PDE11A: variants seen among roughly 807,000 people sequenced by gnomAD.
The protein encoded by PDE11A is dual 3',5'-cyclic-AMP and -GMP phosphodiesterase 11A.
PDE11A carries 100 observed loss-of-function variants against 100.5 expected under a neutral mutation model. The ratio of observed to expected loss-of-function variants is 1.00; its 90% CI spans 0.85 to 1.18. The LOEUF is 1.18. Ranked by LOEUF, PDE11A falls within the 50% of genes most tolerant of loss-of-function variation. PDE11A has a pLI of 0.00. For missense variants in PDE11A, 1,141 were observed against 1,152.6 expected (o/e 0.99, Z 0.15); for synonymous variants, 381 against 420.8 (o/e 0.91, Z 1.16).
At chr2:177,971,372 T>C (rs1038761031) in intron 2 of PDE11A, among the ~76,000 whole-genome samples, 1 of 152,180 alleles carries the variant, frequency 6.6e-6, no homozygotes, top group African/African-American at 2.4e-5. Context: ...TTAGAACTCA[T>C]GAGGGCTAAG....
intron 6 of PDE11A, among the ~76,000 whole-genome samples, chr2:177,835,496 A>G (rs1228893017): frequency 6.6e-6 from 1 of 152,180 alleles, no homozygotes; most frequent in African/African-American, 2.4e-5. Flanking sequence ...AACTGAGCTG[A>G]GGGTGAGAGG....
intron 17 of PDE11A, 47 bp downstream of exon 17, chr2:177,675,408 C>T (rs756136967): frequency 1.5e-6 from 2 of 1,357,796 alleles, no homozygotes; most frequent in African/African-American, 1.4e-5. Context: ...CCCCCTTACG[C>T]CCCCCAGTCC....
intron 5 of PDE11A, among the ~76,000 whole-genome samples, chr2:177,851,951 C>T (rs539656589): frequency 1.9e-4 from 29 of 152,226 alleles, no homozygotes; most frequent in African/African-American, 2.4e-5. Flanking sequence ...CTCTAGGTGT[C>T]CATGTGTTCT....
intron 2 of PDE11A, among the ~76,000 whole-genome samples, chr2:177,930,911 G>A (rs2085196652): frequency 6.6e-6 from 1 of 152,166 alleles, no homozygotes; most frequent in Non-Finnish European, 1.5e-5. Flanking sequence ...ACCTTAATTA[G>A]AAAAGCCCCA....
rs577207358 is a variant in PDE11A at position 177,823,255 on chromosome 2, T to C, written c.1501-2960A>G. Among the ~76,000 whole-genome samples the C allele has an allele frequency of 4.5e-4, 69 of 152,246 alleles. No individual in the cohort carries two copies. The South Asian group carries it at 0.013, about 30-fold the overall frequency. ...ATAGAAAAATGGATTCAAATAGTCATTACCCTTGAGCTACTCACAGTCTAG... is the reference window on the plus strand; with the variant it reads ...ATAGAAAAATGGATTCAAATAGTCACTACCCTTGAGCTACTCACAGTCTAG... On this transcript the variant is annotated intron_variant, in intron 6 of 19. Coordinates refer to ENST00000286063, the MANE Select transcript of PDE11A (RefSeq NM_016953.4).
intron 1 of PDE11A, among the ~76,000 whole-genome samples, chr2:178,065,205 T>A (rs559818390): frequency 6.6e-6 from 1 of 152,304 alleles, no homozygotes; most frequent in Admixed American, 6.5e-5. Flanking sequence ...AATACTACCC[T>A]TAAAATAAGC....
At chr2:178,035,814 A>G (rs2086606535) in intron 1 of PDE11A, among the ~76,000 whole-genome samples, 1 of 152,234 alleles carries the variant, frequency 6.6e-6, no homozygotes, top group South Asian at 2.1e-4. Flanking sequence ...AAGGCCTTCA[A>G]TAAAATTCAA....
At chr2:177,786,932 G>A (rs1466388063) in intron 9 of PDE11A, among the ~76,000 whole-genome samples, 6 of 151,158 alleles carry the variant, frequency 4.0e-5, no homozygotes, top group South Asian at 2.1e-4. Flanking sequence ...TGAAAGTGAC[G>A]GGGAGAATGG....
At chr2:177,773,581 G>A (rs1373012236) in intron 9 of PDE11A, among the ~76,000 whole-genome samples, 1 of 152,116 alleles carries the variant, frequency 6.6e-6, no homozygotes, top group East Asian at 1.9e-4. Flanking sequence ...AATCTATTAA[G>A]TACATAGGAA....
At chr2:177,667,347 AC>A (rs1210882913) in intron 18 of PDE11A, among the ~76,000 whole-genome samples, 1 of 152,150 alleles carries the variant, frequency 6.6e-6, no homozygotes. Context: ...GAAGATTTAT[AC>A]CTATATTTTC....
At chr2:178,036,360 A>G (rs1375258763) in intron 1 of PDE11A, among the ~76,000 whole-genome samples, 1 of 152,176 alleles carries the variant, frequency 6.6e-6, no homozygotes, top group African/African-American at 2.4e-5. Context: ...ACCACTGCTC[A>G]GGAAAGAAGA....
At chr2:177,736,937 A>G (rs1323600167) in intron 10 of PDE11A, among the ~76,000 whole-genome samples, 1 of 152,104 alleles carries the variant, frequency 6.6e-6, no homozygotes, top group Non-Finnish European at 1.5e-5. Flanking sequence ...ATACCTAAAG[A>G]CACTAATAAA....
At chr2:178,102,906 T>TGATTGGTGTC (rs1167055678) in intron 2 of PDE11A, among the ~76,000 whole-genome samples, 4 of 152,138 alleles carry the variant, frequency 2.6e-5, no homozygotes, top group Admixed American at 6.5e-5. Context: ...TAATCCAATA[T>TGATTGGTGTC]GATTGGTGTC....
intron 3 of PDE11A, among the ~76,000 whole-genome samples, chr2:177,900,068 C>T (rs974197325): frequency 1.3e-5 from 2 of 151,842 alleles, no homozygotes; most frequent in Non-Finnish European, 2.9e-5. Context: ...TGTTTGTTTG[C>T]TCAGGTCAGG....
At chr2:177,792,383 G>C (rs981686569) in intron 9 of PDE11A, among the ~76,000 whole-genome samples, 1 of 152,084 alleles carries the variant, frequency 6.6e-6, no homozygotes, top group African/African-American at 2.4e-5. Flanking sequence ...TTAGTAGTCT[G>C]ATTTCACTTA....
At chr2:177,999,129 A>G (rs2086113075) in intron 2 of PDE11A, among the ~76,000 whole-genome samples, 1 of 152,226 alleles carries the variant, frequency 6.6e-6, no homozygotes, top group Non-Finnish European at 1.5e-5. Context: ...TTAAAAATAA[A>G]TTTAGAGTCA....
chr2:177,835,048 C>T (rs531208224), intron 6 of PDE11A, among the ~76,000 whole-genome samples: 2 of 152,120 alleles, frequency 1.3e-5, no homozygotes, highest in Non-Finnish European at 2.9e-5. Context: ...ACAGTGGAGA[C>T]AGGGTGTATG....
chr2:177,783,289 C>G (rs2082480351), intron 9 of PDE11A, among the ~76,000 whole-genome samples: 1 of 152,166 alleles, frequency 6.6e-6, no homozygotes, highest in South Asian at 2.1e-4. Context: ...GTGAGGAATG[C>G]TGGGGCCTAT....
At chr2:177,891,822 T>C (rs2084533879) in intron 4 of PDE11A, among the ~76,000 whole-genome samples, 2 of 152,352 alleles carry the variant, frequency 1.3e-5, no homozygotes, top group South Asian at 2.1e-4. Flanking sequence ...GTTGAGTAGC[T>C]GCAATAGAGA....
Sources: gnomAD v4.1 joint callset for allele counts (sites outside exome capture counted in the v4.1 genomes callset) on GRCh38, gnomAD v4.1.1 for gene constraint, MANE v1.5 for transcripts, NCBI Gene and HGNC (gene_info 2026-07-23, HGNC 2026-07-21) for gene names.